The following SPPL2A variants were observed in gnomAD, a reference collection of about 807,000 sequenced individuals.
The protein encoded by SPPL2A is signal peptide peptidase-like 2A.
SPPL2A carries 51 observed loss-of-function variants against 63.8 expected under a neutral mutation model. The observed-to-expected ratio is 0.80, with a 90% CI of 0.64 to 1.01. The LOEUF (loss-of-function observed/expected upper bound fraction) is 1.01. Among genes scored for constraint, SPPL2A ranks in the 50% least tolerant of loss-of-function variants. SPPL2A has a pLI of 0.00. For synonymous variants in SPPL2A, 188 were observed against 205.8 expected (o/e 0.91, Z 0.74); for missense variants, 553 against 622.7 (o/e 0.89, Z 1.19).
rs566431352 is a variant in SPPL2A at position 50,728,787 on chromosome 15, C to T, written c.1089+2178G>A. Among the ~76,000 whole-genome samples the T allele has an allele frequency of 5.0e-4, 75 of 151,320 alleles. 2 individuals carry two copies. The highest frequency in any genetic ancestry group is 3.9e-3 in the Admixed American group (60 of 15,220). On this transcript the variant is annotated intron_variant, in intron 10 of 14. Transcript: ENST00000261854. ...TCTCCCGAGTAGCTGGGACTACAGG[C>T]GTGCACCACCACACCTGGCTGATTA... is the stretch of plus-strand genomic sequence containing the variant.
chr15:50,735,991 G>T, intron 8 of SPPL2A, 110 bp downstream of exon 8: 1 of 642,502 alleles, frequency 1.6e-6, no homozygotes, highest in Non-Finnish European at 2.7e-6. Flanking sequence ...TACAAGACTG[G>T]TGTTCTGGCA....
intron 4 of SPPL2A, 131 bp from the exon 5 acceptor site, chr15:50,747,759 C>A (rs747673686): frequency 9.0e-6 from 6 of 665,494 alleles, no homozygotes; most frequent in Non-Finnish European, 1.6e-5. Flanking sequence ...GAATTATTGT[C>A]TGATGACATG....
chr15:50,747,871 A>C (rs949603494), intron 4 of SPPL2A: 1 of 467,604 alleles, frequency 2.1e-6, no homozygotes, highest in Non-Finnish European at 3.7e-6. Context: ...CCTAAAGTTA[A>C]GATAAATGAC....
intron 14 of SPPL2A, among the ~76,000 whole-genome samples, chr15:50,711,131 G>A (rs1457904016): frequency 6.6e-6 from 1 of 150,760 alleles, no homozygotes; most frequent in African/African-American, 2.4e-5. Context: ...CACAAAAAAT[G>A]TTCATAGGAA....
intron 14 of SPPL2A, among the ~76,000 whole-genome samples, chr15:50,718,471 T>C (rs2062617576): frequency 6.6e-6 from 1 of 152,190 alleles, no homozygotes; most frequent in Non-Finnish European, 1.5e-5. Context: ...GCATAGTGTA[T>C]ATCATAGGAT....
rs1239898709 is a variant in SPPL2A at position 50,706,043 on chromosome 15, G to C, written c.*1757C>G. 6.6e-6 allele frequency: 1 copy of C among 152,150 alleles called. No homozygotes were observed. Among genetic ancestry groups the C allele is most frequent in the African/African-American group, 2.4e-5 (1 of 41,450 alleles). 9.4% of individuals were successfully genotyped at this position (152,150 alleles called of 1,614,324 possible). A position where few individuals can be genotyped will look rare whatever the true frequency, so the allele number is the denominator to read the frequency against. ...AGAATGGGGAAAAAACTTTTTTCAAGTTGGAAGGTACCAGAGTGATTAGCT... is the reference window on the plus strand; with the variant it reads ...AGAATGGGGAAAAAACTTTTTTCAACTTGGAAGGTACCAGAGTGATTAGCT... On this transcript the variant is annotated 3_prime_UTR_variant, in exon 15 of 15. Transcript: ENST00000261854.
intron 3 of SPPL2A, 55 bp from the exon 4 acceptor site, chr15:50,748,257 A>G: frequency 1.5e-6 from 1 of 654,368 alleles, no homozygotes; most frequent in Non-Finnish European, 2.4e-6. Flanking sequence ...TTATAGAATA[A>G]AATACTATTC....
chr15:50,713,292 A>G (rs1418235457), intron 14 of SPPL2A, among the ~76,000 whole-genome samples: 1 of 147,114 alleles, frequency 6.8e-6, no homozygotes, highest in Admixed American at 6.8e-5. Context: ...TTTGAGATAG[A>G]GTCTTGCTGT....
At chr15:50,758,220 C>G (rs1438146602) in intron 1 of SPPL2A, among the ~76,000 whole-genome samples, 1 of 128,520 alleles carries the variant, frequency 7.8e-6, no homozygotes, top group Admixed American at 8.3e-5. Flanking sequence ...ACCTGGGAGG[C>G]GGAGCTTGCA....
In SPPL2A at chr15:50,702,314, T is replaced by C. The variant is rs1198076449; in HGVS notation, c.*5486A>G. ...TGAATACCATAGTATATTAAATACATAAAAAATTGTTTTTCTTGTCAGTAT... is the reference window on the plus strand; with the variant it reads ...TGAATACCATAGTATATTAAATACACAAAAAATTGTTTTTCTTGTCAGTAT... On this transcript the variant is annotated 3_prime_UTR_variant, in exon 15 of 15. Transcript: ENST00000261854. The C allele has an allele frequency of 6.6e-6, 1 of 152,178 alleles. No individual in the cohort carries two copies. Among genetic ancestry groups the C allele is most frequent in the South Asian group, 2.1e-4 (1 of 4,834 alleles). 9.4% of individuals were successfully genotyped at this position (152,178 alleles called of 1,614,324 possible). A position where few individuals can be genotyped will look rare whatever the true frequency, so the allele number is the denominator to read the frequency against.
intron 1 of SPPL2A, among the ~76,000 whole-genome samples, chr15:50,759,412 C>T (rs560380088): frequency 2.3e-4 from 35 of 151,980 alleles, no homozygotes; most frequent in Non-Finnish European, 4.3e-4. Context: ...AAGATTCTGT[C>T]TCTATTAAAA....
chr15:50,716,401 G>A (rs893137744), intron 14 of SPPL2A, among the ~76,000 whole-genome samples: 2 of 151,830 alleles, frequency 1.3e-5, no homozygotes, highest in East Asian at 1.9e-4. Flanking sequence ...TGTCATGTTG[G>A]CCAGGCTGGT....
chr15:50,712,172 A>T (rs2062564116), intron 14 of SPPL2A, among the ~76,000 whole-genome samples: 1 of 152,196 alleles, frequency 6.6e-6, no homozygotes, highest in Non-Finnish European at 1.5e-5. Context: ...CGTAACAGCT[A>T]ATACTTAGTG....
At chr15:50,751,783 C>A (rs1460116231) in intron 1 of SPPL2A, among the ~76,000 whole-genome samples, 1 of 152,120 alleles carries the variant, frequency 6.6e-6, no homozygotes, top group African/African-American at 2.4e-5. Flanking sequence ...AAAATATTGT[C>A]ATTCCTTCTA....
intron 12 of SPPL2A, among the ~76,000 whole-genome samples, chr15:50,724,148 T>C (rs1018971730): frequency 2.0e-5 from 3 of 152,216 alleles, no homozygotes; most frequent in African/African-American, 7.2e-5. Context: ...TGAGCTAACA[T>C]GTCAACTTGC....
intron 1 of SPPL2A, among the ~76,000 whole-genome samples, chr15:50,756,849 C>T (rs1028248283): frequency 6.6e-6 from 1 of 152,152 alleles, no homozygotes; most frequent in Non-Finnish European, 1.5e-5. Flanking sequence ...GAACTGGGCT[C>T]TCTAAAACCG....
chr15:50,719,278 CTT>C (rs1220001055), intron 14 of SPPL2A, among the ~76,000 whole-genome samples: 1 of 152,060 alleles, frequency 6.6e-6, no homozygotes, highest in Non-Finnish European at 1.5e-5. Flanking sequence ...GAGTTTCACT[CTT>C]GTTGCCCAGG....
intron 5 of SPPL2A, among the ~76,000 whole-genome samples, chr15:50,743,770 G>A (rs534903906): frequency 6.6e-6 from 1 of 152,100 alleles, no homozygotes; most frequent in South Asian, 2.1e-4. Context: ...TAATAAATAG[G>A]AAAACATTTT....
At chr15:50,713,021 T>C (rs1302888246) in intron 14 of SPPL2A, among the ~76,000 whole-genome samples, 1 of 152,036 alleles carries the variant, frequency 6.6e-6, no homozygotes, top group African/African-American at 2.4e-5. Context: ...TCCCTGTAGA[T>C]CCAATCTCAT....
Sources: allele counts gnomAD v4.1 joint callset (sites outside exome capture counted in the v4.1 genomes callset), GRCh38; gene constraint gnomAD v4.1.1; transcripts MANE v1.5; gene names NCBI Gene and HGNC (gene_info 2026-07-23, HGNC 2026-07-21).